The following PARD3 variants were observed in gnomAD, a reference collection of about 807,000 sequenced individuals.
PARD3 encodes partitioning defective 3 homolog.
Under a neutral mutation model 155.4 loss-of-function variants are expected in PARD3, and 75 were observed. The observed-to-expected ratio is 0.48, with a 90% confidence interval of 0.40 to 0.58. The LOEUF is 0.58. PARD3 is among the 20% of genes least tolerant of loss of function. PARD3 has a pLI of 0.00. For missense variants in PARD3, 1,642 were observed against 1,721.7 expected (o/e 0.95, Z 0.82); for synonymous variants, 576 against 610.5 (o/e 0.94, Z 0.83).
At chr10:34,405,345 T>C (rs1441969338) in intron 5 of PARD3, among the ~76,000 whole-genome samples, 2 of 152,196 alleles carry the variant, frequency 1.3e-5, no homozygotes, top group Admixed American at 1.3e-4. Context: ...CATGTATTCA[T>C]CTATTCATAC....
intron 2 of PARD3, among the ~76,000 whole-genome samples, chr10:34,616,345 A>C (rs1207864870): frequency 1.3e-5 from 2 of 152,106 alleles, no homozygotes; most frequent in Non-Finnish European, 2.9e-5. Flanking sequence ...TAAAAAAAGC[A>C]GAACAATCAT....
intron 22 of PARD3, among the ~76,000 whole-genome samples, chr10:34,260,907 G>A (rs1260272556): frequency 1.3e-5 from 2 of 152,086 alleles, no homozygotes; most frequent in East Asian, 1.9e-4. Context: ...TCCCTTTGAC[G>A]CAACCGGATT....
At chr10:34,314,348 C>CCTCAT (rs1957875001) in intron 20 of PARD3, among the ~76,000 whole-genome samples, 1 of 152,176 alleles carries the variant, frequency 6.6e-6, no homozygotes. Context: ...TAATGACTAT[C>CCTCAT]CTCATCGTGT....
intron 18 of PARD3, among the ~76,000 whole-genome samples, chr10:34,332,148 G>A (rs942786815): frequency 6.6e-6 from 1 of 152,018 alleles, no homozygotes; most frequent in Non-Finnish European, 1.5e-5. Flanking sequence ...AGGATGACAG[G>A]GACAAATTCC....
intron 22 of PARD3, among the ~76,000 whole-genome samples, chr10:34,185,131 C>G (rs915646499): frequency 2.6e-5 from 4 of 152,170 alleles, no homozygotes; most frequent in South Asian, 2.1e-4. Flanking sequence ...CTTTTAGGGC[C>G]TAGACCCCTG....
chr10:34,651,397 AAAG>A (rs769686874), intron 2 of PARD3, among the ~76,000 whole-genome samples: 1 of 152,192 alleles, frequency 6.6e-6, no homozygotes, highest in Non-Finnish European at 1.5e-5. Flanking sequence ...GCCTGCACAT[AAAG>A]AAGAGAAAGT....
intron 2 of PARD3, among the ~76,000 whole-genome samples, chr10:34,637,490 G>A (rs771135072): frequency 5.3e-5 from 8 of 152,304 alleles, no homozygotes; most frequent in East Asian, 1.9e-4. Flanking sequence ...GAGACCAGTC[G>A]CAGAGGCTCC....
At chr10:34,316,218 C>G (rs1957996199) in intron 20 of PARD3, among the ~76,000 whole-genome samples, 1 of 152,166 alleles carries the variant, frequency 6.6e-6, no homozygotes, top group Admixed American at 6.5e-5. Flanking sequence ...AAACCATCAC[C>G]TTGATATGTT....
intron 22 of PARD3, among the ~76,000 whole-genome samples, chr10:34,245,063 A>C (rs955718303): frequency 1.4e-5 from 2 of 143,280 alleles, no homozygotes; most frequent in African/African-American, 2.9e-5. Context: ...ACACAGGGAA[A>C]AGTACAAACT....
intron 1 of PARD3, among the ~76,000 whole-genome samples, chr10:34,780,796 T>C (rs1297746106): frequency 6.6e-6 from 1 of 152,228 alleles, no homozygotes; most frequent in African/African-American, 2.4e-5. Flanking sequence ...AAACAAGACT[T>C]CTAAACTAAC....
chr10:34,593,736 G>A (rs1328737899), intron 2 of PARD3, among the ~76,000 whole-genome samples: 1 of 152,178 alleles, frequency 6.6e-6, no homozygotes, highest in Non-Finnish European at 1.5e-5. Flanking sequence ...AATTTAGAAT[G>A]TTAGTTCAGT....
At chr10:34,793,623 C>T (rs1254632311) in intron 1 of PARD3, among the ~76,000 whole-genome samples, 1 of 152,084 alleles carries the variant, frequency 6.6e-6, no homozygotes, top group African/African-American at 2.4e-5. Flanking sequence ...CCCATCTCTA[C>T]TAAAAATGCA....
intron 2 of PARD3, among the ~76,000 whole-genome samples, chr10:34,520,491 A>G (rs754014166): frequency 6.6e-6 from 1 of 152,212 alleles, no homozygotes; most frequent in Non-Finnish European, 1.5e-5. Context: ...ATATAGTAAA[A>G]TCAGTTTATC....
chr10:34,236,323 TTC>T (rs1953231009), intron 22 of PARD3, among the ~76,000 whole-genome samples: 1 of 152,178 alleles, frequency 6.6e-6, no homozygotes, highest in Admixed American at 6.5e-5. Context: ...ATTTTTTTAT[TTC>T]CCACTCTTAT....
chr10:34,368,164 G>A (rs1300531081), intron 12 of PARD3, among the ~76,000 whole-genome samples: 4 of 152,052 alleles, frequency 2.6e-5, no homozygotes, highest in Non-Finnish European at 4.4e-5. Flanking sequence ...AAAAAGAATC[G>A]CTTGAACCCA....
intron 2 of PARD3, among the ~76,000 whole-genome samples, chr10:34,594,859 G>A (rs11009828): frequency 1.2e-4 from 18 of 152,114 alleles, no homozygotes; most frequent in Middle Eastern, 3.4e-3. Context: ...AATAAATAAA[G>A]TCAGTCAGAT....
chr10:34,365,591 CTTAT>C (rs1194954167), intron 12 of PARD3, among the ~76,000 whole-genome samples: 1 of 152,018 alleles, frequency 6.6e-6, no homozygotes, highest in Non-Finnish European at 1.5e-5. Flanking sequence ...CATCTTTTTA[CTTAT>C]TTATTTTTTC....
intron 22 of PARD3, among the ~76,000 whole-genome samples, chr10:34,177,964 A>G (rs1336047895): frequency 6.6e-6 from 1 of 152,188 alleles, no homozygotes; most frequent in African/African-American, 2.4e-5. Context: ...AATTACTATC[A>G]CTGGTCCAGA....
At chr10:34,246,916 T>G (rs186894598) in intron 22 of PARD3, among the ~76,000 whole-genome samples, 150 of 152,174 alleles carry the variant, frequency 9.9e-4, no homozygotes, top group African/African-American at 3.2e-3. Context: ...CCAGGAAAGA[T>G]CCAACACACA....
Sources: gnomAD v4.1 joint callset for allele counts (sites outside exome capture counted in the v4.1 genomes callset) on GRCh38, gnomAD v4.1.1 for gene constraint, MANE v1.5 for transcripts, NCBI Gene and HGNC (gene_info 2026-07-23, HGNC 2026-07-21) for gene names.